The following CATSPERT variants were observed in gnomAD, a reference collection of about 807,000 sequenced individuals.
CATSPERT encodes catsper channel auxiliary subunit tau.
the CATSPERT span, among the ~76,000 whole-genome samples, chr2:201,605,977 ACT>A: frequency 6.6e-6 from 1 of 152,192 alleles, no homozygotes. Context: ...ATTCAAAAAA[ACT>A]TTATAAGGGG....
chr2:201,604,113 C>T, the CATSPERT span, among the ~76,000 whole-genome samples: 1 of 151,090 alleles, frequency 6.6e-6, no homozygotes, highest in Non-Finnish European at 1.5e-5. Context: ...AGCCTAGATA[C>T]TGCGTCCTCC....
the CATSPERT span, among the ~76,000 whole-genome samples, chr2:201,614,525 C>T: frequency 6.6e-6 from 1 of 152,244 alleles, no homozygotes; most frequent in Admixed American, 6.5e-5. Context: ...ATTTTGTCAC[C>T]ACCAGGCCTG....
At chr2:201,506,544 C>G in the CATSPERT span, among the ~76,000 whole-genome samples, 1 of 152,038 alleles carries the variant, frequency 6.6e-6, no homozygotes, top group East Asian at 1.9e-4. Flanking sequence ...AAAATTAACC[C>G]CATTCTTTTT....
chr2:201,511,272 C>T, the CATSPERT span, among the ~76,000 whole-genome samples: 4 of 152,172 alleles, frequency 2.6e-5, no homozygotes, highest in East Asian at 3.8e-4. Context: ...TTCTACTTTT[C>T]GTACTTATCC....
the CATSPERT span, among the ~76,000 whole-genome samples, chr2:201,509,913 A>G: frequency 6.6e-6 from 1 of 150,764 alleles, no homozygotes; most frequent in Non-Finnish European, 1.5e-5. Flanking sequence ...AGTACAATCA[A>G]CCCTAATATA....
the CATSPERT span, among the ~76,000 whole-genome samples, chr2:201,569,766 A>G: frequency 1.3e-5 from 2 of 152,186 alleles, no homozygotes; most frequent in Admixed American, 1.3e-4. Flanking sequence ...CCCTTCCTCT[A>G]CATTAATCGA....
the CATSPERT span, among the ~76,000 whole-genome samples, chr2:201,538,790 T>C: frequency 1.3e-5 from 2 of 152,118 alleles, no homozygotes; most frequent in Non-Finnish European, 2.9e-5. Flanking sequence ...TATCCATTAG[T>C]TATTTTTCCT....
At chr2:201,512,000 C>T in the CATSPERT span, among the ~76,000 whole-genome samples, 1 of 151,956 alleles carries the variant, frequency 6.6e-6, no homozygotes, top group Non-Finnish European at 1.5e-5. Context: ...GAGATGTCTT[C>T]AGTTTACAAG....
chr2:201,493,164 T>C, the CATSPERT span: 2 of 1,528,640 alleles, frequency 1.3e-6, no homozygotes, highest in Non-Finnish European at 1.8e-6. Flanking sequence ...ATTCACTAAG[T>C]TTATCCATTA....
the CATSPERT span, among the ~76,000 whole-genome samples, chr2:201,569,473 C>T: frequency 6.6e-6 from 1 of 152,282 alleles, no homozygotes; most frequent in Non-Finnish European, 1.5e-5. Flanking sequence ...CCATGCCCAC[C>T]TTGCCTTTGG....
the CATSPERT span, among the ~76,000 whole-genome samples, chr2:201,523,600 T>G: frequency 6.6e-6 from 1 of 152,192 alleles, no homozygotes; most frequent in African/African-American, 2.4e-5. Context: ...TCTCCTTACC[T>G]CTGAACAACT....
chr2:201,493,038 A>G, the CATSPERT span: 2 of 1,536,536 alleles, frequency 1.3e-6, no homozygotes, highest in South Asian at 1.2e-5. Flanking sequence ...TTGTAAAAGA[A>G]GGTTGAATTA....
the CATSPERT span, among the ~76,000 whole-genome samples, chr2:201,584,569 G>A: frequency 6.6e-6 from 1 of 152,038 alleles, no homozygotes; most frequent in Non-Finnish European, 1.5e-5. Context: ...TGAATCACAA[G>A]GTCAGGAGTT....
chr2:201,510,353 A>C, the CATSPERT span, among the ~76,000 whole-genome samples: 56 of 152,310 alleles, frequency 3.7e-4, no homozygotes, highest in Non-Finnish European at 7.4e-5. Flanking sequence ...CTGAGGCACG[A>C]GAATTGCCTG....
At chr2:201,506,780 C>T in the CATSPERT span, among the ~76,000 whole-genome samples, 5 of 152,220 alleles carry the variant, frequency 3.3e-5, no homozygotes, top group African/African-American at 1.2e-4. Flanking sequence ...GTCTCGATCT[C>T]CTGATGTCGT....
At chr2:201,543,468 C>T in the CATSPERT span, among the ~76,000 whole-genome samples, 1 of 152,126 alleles carries the variant, frequency 6.6e-6, no homozygotes, top group Non-Finnish European at 1.5e-5. Flanking sequence ...AGTATTAAAT[C>T]TTCAAACTCA....
At chr2:201,524,255 T>A in the CATSPERT span, among the ~76,000 whole-genome samples, 1 of 152,112 alleles carries the variant, frequency 6.6e-6, no homozygotes, top group African/African-American at 2.4e-5. Context: ...TGAAACCCCA[T>A]CAGGCTCACA....
chr2:201,580,220 A>C, the CATSPERT span, among the ~76,000 whole-genome samples: 507 of 152,372 alleles, frequency 3.3e-3, 8 homozygotes, highest in Admixed American at 0.028. Flanking sequence ...CAGGAAGTAC[A>C]TGATGTTAAG....
chr2:201,501,390 C>T, the CATSPERT span, among the ~76,000 whole-genome samples: 448 of 80,678 alleles, frequency 5.6e-3, 3 homozygotes, highest in African/African-American at 0.022. Context: ...AGCGAAACTC[C>T]ATCTCAAAAA....
Sources: gnomAD v4.1 joint callset for allele counts (sites outside exome capture counted in the v4.1 genomes callset) on GRCh38, gnomAD v4.1.1 for gene constraint, MANE v1.5 for transcripts, NCBI Gene and HGNC (gene_info 2026-07-23, HGNC 2026-07-21) for gene names.